The following ARHGEF18 variants were observed in gnomAD, a reference collection of about 807,000 sequenced individuals.
ARHGEF18 encodes Rho/Rac guanine nucleotide exchange factor 18, also known as rho guanine nucleotide exchange factor 18.
In ARHGEF18, 93 loss-of-function variants were observed where a neutral mutation model predicts 155.7. The observed-to-expected ratio is 0.60, with a 90% CI of 0.50 to 0.71. The LOEUF is 0.71. Among genes scored for constraint, ARHGEF18 ranks in the 30% least tolerant of loss-of-function variants. The probability of loss-of-function intolerance (pLI) is 0.00; values close to 1 mark genes in which losing one functional copy is unlikely to be tolerated. For missense variants in ARHGEF18, 1,593 were observed against 1,816.1 expected, an observed-to-expected ratio of 0.88 and a Z score of 2.23; for synonymous variants, 742 against 753.1, an observed-to-expected ratio of 0.99 and a Z score of 0.24.
chr19:7,387,383 A>C (rs543942689), intron 10 of ARHGEF18, among the ~76,000 whole-genome samples: 2 of 151,840 alleles, frequency 1.3e-5, no homozygotes, highest in Non-Finnish European at 2.9e-5. Context: ...CGATCTCCTG[A>C]CCTCGTGATC....
chr19:7,451,265 A>G lies in ARHGEF18; in HGVS notation c.1854A>G (p.Glu618=). ...TGGAGCGCATCATCCAGAACACGGA[A>G]GGTAGGCCTTCTCCCCACTGCCCCG... ...VLVERIIQNT[E]AGTEDYEDLT... Residue 618 remains glutamate, a splice_region_variant and synonymous_variant, in exon 16 of 29, where the codon GAA becomes GAG. Coordinates refer to ENST00000668164, the MANE Select transcript of ARHGEF18 (RefSeq NM_001367823.1). 6.2e-7 allele frequency: 1 copy of G among 1,613,390 alleles called. No homozygotes were observed. The highest frequency in any genetic ancestry group is 8.5e-7 in the Non-Finnish European group (1 of 1,179,840).
chr19:7,428,979 C>T (rs995157726), intron 10 of ARHGEF18, among the ~76,000 whole-genome samples: 3 of 152,166 alleles, frequency 2.0e-5, no homozygotes, highest in African/African-American at 7.2e-5. Context: ...GCAATAAAGT[C>T]GGGAGTGTGG....
chr19:7,445,740 C>G (rs1271934979), intron 14 of ARHGEF18, among the ~76,000 whole-genome samples: 4 of 152,074 alleles, frequency 2.6e-5, no homozygotes, highest in Non-Finnish European at 4.4e-5. Context: ...ATGCCTCAGC[C>G]TCCCGAGTAG....
chr19:7,370,023 C>T (rs1158768619), intron 2 of ARHGEF18, among the ~76,000 whole-genome samples: 3 of 151,758 alleles, frequency 2.0e-5, no homozygotes, highest in African/African-American at 4.8e-5. Context: ...ATGATGAAAC[C>T]GTGTCTCTAC....
At chr19:7,358,252 C>CCCATCCTTCCAT (rs1969401909) in intron 1 of ARHGEF18, among the ~76,000 whole-genome samples, 1 of 34,054 alleles carries the variant, frequency 2.9e-5, no homozygotes, top group Non-Finnish European at 1.5e-4. Flanking sequence ...CACCCATCCA[C>CCCATCCTTCCAT]CCATTCTTCC....
At chr19:7,461,620 C>T (rs187913876) in intron 20 of ARHGEF18, among the ~76,000 whole-genome samples, 1 of 152,268 alleles carries the variant, frequency 6.6e-6, no homozygotes, top group Admixed American at 6.5e-5. Flanking sequence ...AAGTTGGTCC[C>T]AGACTAATAA....
chr19:7,392,128 CT>C (rs1345809796), intron 10 of ARHGEF18, among the ~76,000 whole-genome samples: 1 of 150,032 alleles, frequency 6.7e-6, no homozygotes, highest in Non-Finnish European at 1.5e-5. Flanking sequence ...GCAATCCCAG[CT>C]ACTCGGGAGG....
intron 10 of ARHGEF18, among the ~76,000 whole-genome samples, chr19:7,406,160 A>C (rs1012900287): frequency 6.6e-6 from 1 of 152,026 alleles, no homozygotes; most frequent in African/African-American, 2.4e-5. Flanking sequence ...GGCTCACTGC[A>C]ACCTCCACCA....
downstream of ARHGEF18, among the ~76,000 whole-genome samples, chr19:7,474,321 A>T (rs954830048): frequency 6.6e-6 from 1 of 152,056 alleles, no homozygotes; most frequent in Admixed American, 6.5e-5. Context: ...CTGGGGGACA[A>T]CAGTGAGACT....
At chr19:7,378,297 C>A in intron 5 of ARHGEF18, 97 bp from the exon 6 acceptor site, 1 of 917,236 alleles carries the variant, frequency 1.1e-6, no homozygotes, top group Non-Finnish European at 1.4e-6. Context: ...TCCAGTTCTG[C>A]AGGGGCCCAG....
intron 10 of ARHGEF18, among the ~76,000 whole-genome samples, chr19:7,399,802 C>T (rs1234032760): frequency 4.2e-5 from 6 of 142,260 alleles, no homozygotes; most frequent in East Asian, 2.0e-4. Flanking sequence ...GACAGAGTTT[C>T]GCTCTTATCA....
chr19:7,444,641 G>C lies in ARHGEF18; in HGVS notation c.1611+187G>C, dbSNP rs558260561. ...TCCTCCCACCTCAGCCTCCCAAGTA[G>C]CTGGGACTACAGCTATGCGCCACCA... On this transcript the variant is annotated intron_variant, in intron 14 of 28. Transcript: ENST00000668164. The surrounding 1 kb of genome is among the most constrained non-coding windows in gnomAD (Gnocchi z 4.7). 3.9e-5 allele frequency among the ~76,000 whole-genome samples: 6 copies of C among 152,194 alleles called. No individual in the cohort carries two copies. Among genetic ancestry groups the C allele is most frequent in the Admixed American group, 3.3e-4 (5 of 15,292 alleles).
At position 7,421,350 on chromosome 19, in the gene ARHGEF18, T is replaced by TA. The variant is rs576020258; in HGVS notation, c.968-18993dup. ...TTCTGCAACCAAAGCAGACCAAAAATACAGTGTTCTCAGGATGAAAACCCA... is the reference window on the plus strand; with the variant it reads ...TTCTGCAACCAAAGCAGACCAAAAATAACAGTGTTCTCAGGATGAAAACCCA... On this transcript the variant is annotated intron_variant, in intron 10 of 28. Coordinates refer to ENST00000668164, the MANE Select transcript of ARHGEF18 (RefSeq NM_001367823.1). Among the ~76,000 whole-genome samples the TA allele has an allele frequency of 3.0e-4, 46 of 152,244 alleles. No individual in the cohort carries two copies. In the East Asian group the frequency reaches 5.4e-3, roughly 18 times the overall value.
chr19:7,390,309 C>A (rs1971325768), intron 10 of ARHGEF18, among the ~76,000 whole-genome samples: 1 of 151,970 alleles, frequency 6.6e-6, no homozygotes, highest in African/African-American at 2.4e-5. Flanking sequence ...GAGTTTGAGA[C>A]CAGCCTGGCC....
intron 10 of ARHGEF18, among the ~76,000 whole-genome samples, chr19:7,425,393 T>C (rs1294727969): frequency 3.3e-5 from 5 of 152,082 alleles, no homozygotes; most frequent in African/African-American, 1.2e-4. Context: ...TTAAAGCTTA[T>C]TAAGAATGGG....
chr19:7,439,782 G>A lies in ARHGEF18; in HGVS notation c.968-562G>A, dbSNP rs539810460. ...TGTGCGAGGTTTTGGCATGAAGCAC[G>A]CCAGGCTCACCGTTTCATGATCTTA... On this transcript the variant is annotated intron_variant, in intron 10 of 28. Coordinates refer to ENST00000668164, the MANE Select transcript of ARHGEF18 (RefSeq NM_001367823.1). 5.9e-5 allele frequency: 83 copies of A among 1,415,784 alleles called. No homozygotes were observed. The African/African-American group carries it at 1.1e-3, about 19-fold the overall frequency. The allele number at this position is 1,415,784 out of a possible 1,614,324, so 87.7% of individuals were successfully genotyped here.
chr19:7,454,001 A>G (rs147112065), intron 17 of ARHGEF18, among the ~76,000 whole-genome samples: 4 of 144,116 alleles, frequency 2.8e-5, no homozygotes, highest in Non-Finnish European at 6.1e-5. Context: ...TTGGGTTGGT[A>G]GCACCATCTT....
chr19:7,385,827 C>CTCTCTA (rs1568285645), intron 10 of ARHGEF18, among the ~76,000 whole-genome samples: 1 of 115,932 alleles, frequency 8.6e-6, no homozygotes, highest in Admixed American at 8.0e-5. Context: ...GGATCTATCT[C>CTCTCTA]TCTCTATCTC....
At position 7,382,790 on chromosome 19, in the gene ARHGEF18, A is replaced by G; in HGVS notation, c.723-2A>G. ...TAGTGGACCTTCCCTCTCGTCCCTC[A>G]GGAGCGAGGACGGTGCTGGCAAGAA... On this transcript the variant is annotated splice_acceptor_variant, in intron 8 of 28. Coordinates refer to ENST00000668164, the MANE Select transcript of ARHGEF18 (RefSeq NM_001367823.1). LOFTEE classifies it high-confidence loss of function. 3 of 1,232,360 alleles carry G rather than the reference A, an allele frequency of 2.4e-6. No homozygotes were observed. The highest frequency in any genetic ancestry group is 4.1e-5 in the South Asian group (1 of 24,312). 76.3% of individuals were successfully genotyped at this position (1,232,360 alleles called of 1,614,324 possible).
Sources: gnomAD v4.1 joint callset for allele counts (sites outside exome capture counted in the v4.1 genomes callset) on GRCh38, gnomAD v4.1.1 for gene constraint, Gnocchi (gnomAD v3.1) non-coding constraint, MANE v1.5 for transcripts, NCBI Gene and HGNC (gene_info 2026-07-23, HGNC 2026-07-21) for gene names.